The following IFT88 variants were observed in gnomAD, a reference collection of about 807,000 sequenced individuals.
IFT88 encodes the protein intraflagellar transport 88, also known as intraflagellar transport protein 88 homolog.
IFT88 carries 74 observed loss-of-function variants against 119.5 expected under a neutral mutation model. The observed-to-expected ratio is 0.62, with a 90% CI of 0.51 to 0.75. The LOEUF is 0.75. Ranked by LOEUF, IFT88 falls within the 30% of genes least tolerant of loss-of-function variation. The pLI is 0.00. For missense variants in IFT88, 961 were observed against 977.7 expected (o/e 0.98, Z 0.23); for synonymous variants, 279 against 316.7 (o/e 0.88, Z 1.26).
chr13:20,607,636 C>A, intron 13 of IFT88: 1 of 866,814 alleles, frequency 1.2e-6, no homozygotes, highest in Non-Finnish European at 2.0e-6. Context: ...TTTTTATGAT[C>A]CCCACCTGGG....
chr13:20,629,376 C>T (rs984936666), intron 15 of IFT88, among the ~76,000 whole-genome samples: 1 of 152,066 alleles, frequency 6.6e-6, no homozygotes, highest in African/African-American at 2.4e-5. Context: ...GAACTTGTGG[C>T]AATGTTATAA....
chr13:20,652,926 C>T (rs2052027385), intron 20 of IFT88, among the ~76,000 whole-genome samples: 1 of 152,090 alleles, frequency 6.6e-6, no homozygotes, highest in African/African-American at 2.4e-5. Flanking sequence ...CAGGGAAGTC[C>T]GTGCTCCTGT....
chr13:20,613,680 G>T (rs1370162455), intron 13 of IFT88, among the ~76,000 whole-genome samples: 2 of 151,802 alleles, frequency 1.3e-5, no homozygotes, highest in African/African-American at 2.4e-5. Flanking sequence ...TAATCCAAAT[G>T]TGCAACAATT....
chr13:20,675,005 G>T (rs975370869), intron 24 of IFT88, among the ~76,000 whole-genome samples: 9 of 151,878 alleles, frequency 5.9e-5, no homozygotes, highest in Non-Finnish European at 1.3e-4. Flanking sequence ...GAGCCACCGC[G>T]CCTGGCCAGT....
In IFT88 at chr13:20,643,505, T is replaced by C. The variant is rs764519805; in HGVS notation, c.1733T>C (p.Val578Ala). The C allele has an allele frequency of 1.9e-6, 3 of 1,612,056 alleles. No homozygotes were observed. The highest frequency in any genetic ancestry group is 4.5e-5 in the East Asian group (2 of 44,820). The part of the protein sequence containing the change: ...PSQAIEWLMQ[V>A]VSVIPTDPQV... ...CAAGCTATTGAATGGCTAATGCAGG[T>C]GGTCAGTGTTATTCCAACCGATCCT... is the stretch of plus-strand genomic sequence containing the variant. Residue 578 changes from valine (V) to alanine (A), a missense_variant, in exon 19 of 26, where the codon GTG becomes GCG. Val to Ala is a moderately conservative substitution (Grantham distance 64). Transcript: ENST00000351808.
At chr13:20,624,318 A>G (rs999475609) in intron 14 of IFT88, among the ~76,000 whole-genome samples, 2 of 152,294 alleles carry the variant, frequency 1.3e-5, no homozygotes, top group East Asian at 3.9e-4. Flanking sequence ...GAGAAGGGGC[A>G]TGGAGCTGCC....
chr13:20,568,117 G>A (rs949319191), intron 1 of IFT88: 6 of 652,632 alleles, frequency 9.2e-6, no homozygotes, highest in Non-Finnish European at 8.4e-6. Flanking sequence ...GCCGGGGTTG[G>A]AAAAGCTTGA....
At chr13:20,599,258 A>G (rs1000967303) in intron 10 of IFT88, among the ~76,000 whole-genome samples, 193 bp from the exon 11 acceptor site, 6 of 152,240 alleles carry the variant, frequency 3.9e-5, no homozygotes, top group Non-Finnish European at 7.4e-5. Context: ...AGTTTCAGGA[A>G]TCTGTCTTAA....
chr13:20,610,372 A>T (rs1249919201), intron 13 of IFT88, among the ~76,000 whole-genome samples: 1 of 152,030 alleles, frequency 6.6e-6, no homozygotes, highest in South Asian at 2.1e-4. Flanking sequence ...TATTTTTCAG[A>T]AGAATTTGCC....
At chr13:20,674,714 A>ATG (rs1566450108) in intron 24 of IFT88, among the ~76,000 whole-genome samples, 1 of 36,988 alleles carries the variant, frequency 2.7e-5, no homozygotes, top group African/African-American at 9.2e-5. Context: ...ATATATATAT[A>ATG]TATATATATA....
chr13:20,610,092 T>C (rs558716360), intron 13 of IFT88, among the ~76,000 whole-genome samples: 1 of 135,366 alleles, frequency 7.4e-6, no homozygotes, highest in East Asian at 2.3e-4. Context: ...ACACTGCTTA[T>C]GCTTGACTGC....
At chr13:20,590,924 A>G in intron 4 of IFT88, 43 bp from the exon 5 acceptor site, 2 of 1,391,616 alleles carry the variant, frequency 1.4e-6, no homozygotes, top group South Asian at 1.2e-5. Context: ...TTTAAGGCAG[A>G]TATTTTTAGG....
chr13:20,656,385 G>T lies in IFT88; in HGVS notation c.2023G>T (p.Asp675Tyr). 1 of 1,502,088 alleles carries T rather than the reference G, an allele frequency of 6.7e-7. No individual in the cohort carries two copies. Among genetic ancestry groups the T allele is most frequent in the South Asian group, 1.2e-5 (1 of 80,256 alleles). 93.0% of individuals were successfully genotyped at this position (1,502,088 alleles called of 1,614,324 possible). The change falls in exon 22 of 26, where the codon GAT becomes TAT. Residue 675 changes from aspartate to tyrosine, a missense_variant. Coordinates refer to ENST00000351808, the MANE Select transcript of IFT88 (RefSeq NM_006531.5). Reference protein sequence around the residue: ...RRSGNYQKALDTYKDTHRKFP... With the variant: ...RRSGNYQKALYTYKDTHRKFP... ...TATAGGTAACTACCAAAAAGCATTA[G>T]ATACTTACAAAGATACTCACAGAAA...
intron 9 of IFT88, 136 bp from the exon 10 acceptor site, chr13:20,598,515 C>G: frequency 4.0e-6 from 2 of 499,876 alleles, no homozygotes; most frequent in Non-Finnish European, 7.2e-6. Context: ...CTTTTGTTTA[C>G]TTAATTTCAT....
At chr13:20,658,718 T>A (rs897894211) in intron 22 of IFT88, among the ~76,000 whole-genome samples, 1 of 152,198 alleles carries the variant, frequency 6.6e-6, no homozygotes, top group East Asian at 1.9e-4. Flanking sequence ...TCCAATAGAT[T>A]AGCTAGTAGC....
chr13:20,684,904 C>T (rs950092211), intron 24 of IFT88, among the ~76,000 whole-genome samples: 7 of 152,208 alleles, frequency 4.6e-5, no homozygotes, highest in African/African-American at 1.2e-4. Flanking sequence ...TGTTGGGCAC[C>T]GCTTGCCGAG....
intron 24 of IFT88, among the ~76,000 whole-genome samples, chr13:20,679,795 T>C (rs1303093142): frequency 6.6e-6 from 1 of 152,228 alleles, no homozygotes; most frequent in Non-Finnish European, 1.5e-5. Flanking sequence ...GTGCCATTAA[T>C]ATTTTCCATA....
chr13:20,640,158 TTAAC>T (rs1342747859), intron 17 of IFT88, among the ~76,000 whole-genome samples: 1 of 152,216 alleles, frequency 6.6e-6, no homozygotes, highest in African/African-American at 2.4e-5. Context: ...GAAGCCCTTC[TTAAC>T]TCAAGATTAT....
intron 1 of IFT88, among the ~76,000 whole-genome samples, chr13:20,569,767 G>A (rs576730872): frequency 1.4e-4 from 22 of 151,856 alleles, no homozygotes; most frequent in East Asian, 5.8e-4. Flanking sequence ...GGTGGTTCAC[G>A]CCTGTAATCC....
Sources: gnomAD v4.1 joint callset for allele counts (sites outside exome capture counted in the v4.1 genomes callset) on GRCh38, gnomAD v4.1.1 for gene constraint, MANE v1.5 for transcripts, NCBI Gene and HGNC (gene_info 2026-07-23, HGNC 2026-07-21) for gene names.